Variants in SLC35F4 observed in about 807,000 individuals in gnomAD.
The protein encoded by SLC35F4 is solute carrier family 35 member F4.
SLC35F4 carries 24 observed loss-of-function variants against 44.2 expected under a neutral mutation model. The observed-to-expected ratio is 0.54, with a 90% CI of 0.39 to 0.76. The LOEUF (loss-of-function observed/expected upper bound fraction) is 0.76, where lower values mean the gene tolerates loss of function less well. Ranked by LOEUF, SLC35F4 falls within the 30% of genes least tolerant of loss-of-function variation. The pLI is 0.00. For missense variants in SLC35F4, 562 were observed against 586.1 expected (o/e 0.96, Z 0.42); for synonymous variants, 238 against 223.6 (o/e 1.06, Z -0.57).
intron 1 of SLC35F4, 29 bp downstream of exon 1, chr14:57,865,694 T>G: frequency 6.7e-7 from 1 of 1,500,040 alleles, no homozygotes; most frequent in Non-Finnish European, 8.9e-7. Context: ...CTTCCCCGCC[T>G]CGCGCAGGGC....
chr14:57,732,000 T>C (rs914430574), intron 1 of SLC35F4, among the ~76,000 whole-genome samples: 1 of 152,130 alleles, frequency 6.6e-6, no homozygotes. Flanking sequence ...AAATTTAAGA[T>C]GAGTTAGGAG....
chr14:57,585,811 C>T (rs2069670663), intron 3 of SLC35F4, among the ~76,000 whole-genome samples: 1 of 152,096 alleles, frequency 6.6e-6, no homozygotes, highest in African/African-American at 2.4e-5. Context: ...AACCACTGCT[C>T]AAGGAAATAA....
chr14:57,802,507 GA>G (rs74449819), intron 1 of SLC35F4, among the ~76,000 whole-genome samples: 72,409 of 147,474 alleles, frequency 0.49, 20,086 homozygotes, highest in African/African-American at 0.76. Context: ...AAACCCCTTT[GA>G]AAAAAAAAAT....
intron 1 of SLC35F4, chr14:57,602,551 TAGAA>T (rs373951360): frequency 1.1e-3 from 162 of 152,288 alleles, no homozygotes; most frequent in African/African-American, 3.8e-3. Context: ...ATGATGATGG[TAGAA>T]AGAACATTAA....
At chr14:57,609,397 G>T (rs1037844654) in intron 1 of SLC35F4, among the ~76,000 whole-genome samples, 16 of 152,148 alleles carry the variant, frequency 1.1e-4, no homozygotes, top group Non-Finnish European at 1.9e-4. Context: ...CTGCTTCCAT[G>T]ATTGTTGCAA....
chr14:57,600,506 A>C (rs1023752367), intron 1 of SLC35F4, among the ~76,000 whole-genome samples: 57 of 149,786 alleles, frequency 3.8e-4, no homozygotes, highest in South Asian at 1.1e-3. Context: ...TCCCGGCTAA[A>C]ACGGTGAAAC....
At chr14:57,728,348 G>T (rs1338330575) in intron 1 of SLC35F4, among the ~76,000 whole-genome samples, 6 of 148,580 alleles carry the variant, frequency 4.0e-5, no homozygotes, top group African/African-American at 1.5e-4. Flanking sequence ...GCCACTCTAT[G>T]TCTTTTGATT....
At chr14:57,727,494 C>CTT (rs562362000) in intron 1 of SLC35F4, among the ~76,000 whole-genome samples, 4 of 144,964 alleles carry the variant, frequency 2.8e-5, no homozygotes, top group Admixed American at 6.9e-5. Context: ...TTATTTTTAG[C>CTT]TTTTTTTTTT....
intron 1 of SLC35F4, among the ~76,000 whole-genome samples, chr14:57,620,307 A>G (rs1316885946): frequency 6.6e-6 from 1 of 152,202 alleles, no homozygotes; most frequent in Non-Finnish European, 1.5e-5. Context: ...CGGGTTACAC[A>G]CAAAGGGAAG....
At chr14:57,635,348 A>G (rs2072975088) in intron 1 of SLC35F4, among the ~76,000 whole-genome samples, 1 of 151,718 alleles carries the variant, frequency 6.6e-6, no homozygotes, top group East Asian at 1.9e-4. Context: ...AGAGAGGAGT[A>G]CTCACTGAAG....
intron 1 of SLC35F4, among the ~76,000 whole-genome samples, chr14:57,708,699 G>A (rs2075739888): frequency 6.6e-6 from 1 of 152,130 alleles, no homozygotes; most frequent in African/African-American, 2.4e-5. Context: ...AGAGATAAAA[G>A]AAAAGACAGC....
intron 1 of SLC35F4, among the ~76,000 whole-genome samples, chr14:57,799,109 G>A (rs1271453668): frequency 6.6e-6 from 1 of 152,148 alleles, no homozygotes; most frequent in Non-Finnish European, 1.5e-5. Context: ...GAAATATCGA[G>A]GTTCTTGCAT....
chr14:57,588,538 A>G (rs2069943931), intron 3 of SLC35F4, among the ~76,000 whole-genome samples: 1 of 152,168 alleles, frequency 6.6e-6, no homozygotes, highest in Admixed American at 6.5e-5. Context: ...TGAGCTATCC[A>G]AGAGGGGCTT....
chr14:57,932,429 T>C (rs903445781), intron 1 of SLC35F4, among the ~76,000 whole-genome samples: 1 of 152,246 alleles, frequency 6.6e-6, no homozygotes, highest in Non-Finnish European at 1.5e-5. Context: ...TTCATATCCA[T>C]GCATACAAAT....
intron 1 of SLC35F4, among the ~76,000 whole-genome samples, chr14:57,615,842 G>C (rs1206175554): frequency 5.9e-5 from 9 of 152,168 alleles, no homozygotes; most frequent in Non-Finnish European, 2.9e-5. Flanking sequence ...AGATGGGATA[G>C]AGGGTTAGAT....
intron 1 of SLC35F4, among the ~76,000 whole-genome samples, chr14:57,739,980 C>T (rs1269218089): frequency 6.6e-6 from 1 of 152,112 alleles, no homozygotes; most frequent in Non-Finnish European, 1.5e-5. Context: ...CTGCCTCAGC[C>T]TCCTGAGTAG....
intron 1 of SLC35F4, among the ~76,000 whole-genome samples, chr14:57,796,832 C>T (rs2078065325): frequency 6.6e-6 from 1 of 152,018 alleles, no homozygotes; most frequent in African/African-American, 2.4e-5. Context: ...ACACACAAAC[C>T]CTCAATGAAT....
chr14:57,765,257 A>T (rs917255554), intron 1 of SLC35F4, among the ~76,000 whole-genome samples: 5 of 152,208 alleles, frequency 3.3e-5, no homozygotes, highest in Admixed American at 6.5e-5. Flanking sequence ...AGGAGTGGAG[A>T]TTCTCTTGGA....
chr14:57,703,042 T>C (rs1013249724), intron 1 of SLC35F4, among the ~76,000 whole-genome samples: 3 of 150,032 alleles, frequency 2.0e-5, no homozygotes, highest in Admixed American at 6.6e-5. Flanking sequence ...AAATATAAAA[T>C]GAACCACCAG....
Sources: gnomAD v4.1 joint callset for allele counts (sites outside exome capture counted in the v4.1 genomes callset) on GRCh38, gnomAD v4.1.1 for gene constraint, MANE v1.5 for transcripts, NCBI Gene and HGNC (gene_info 2026-07-23, HGNC 2026-07-21) for gene names.